The following ZNF516 variants were observed in gnomAD, a reference collection of about 807,000 sequenced individuals.
The protein encoded by ZNF516 is zinc finger protein 516.
ZNF516 carries 19 observed loss-of-function variants against 79.7 expected under a neutral mutation model. The ratio of observed to expected loss-of-function variants is 0.24; its 90% confidence interval spans 0.17 to 0.35. ZNF516 has a LOEUF of 0.35. Among genes scored for constraint, ZNF516 ranks in the 10% least tolerant of loss-of-function variants. The pLI, the probability that ZNF516 is intolerant of heterozygous loss-of-function variation, is 1.00. For missense variants in ZNF516, 1,678 were observed against 1,679.5 expected (o/e 1.00, Z 0.02); for synonymous variants, 877 against 739.5 (o/e 1.19, Z -3.02).
chr18:76,357,843 A>G lies in ZNF516; in HGVS notation c.*4655T>C, dbSNP rs2069457319. ...CTGAGTCAGAATTCCGTCCGCGTCCATCCCTGTGCGTCCTGTATGGGTGAC... is the reference window on the plus strand; with the variant it reads ...CTGAGTCAGAATTCCGTCCGCGTCCGTCCCTGTGCGTCCTGTATGGGTGAC... On this transcript the variant is annotated 3_prime_UTR_variant, in exon 7 of 7. Coordinates refer to ENST00000443185, the MANE Select transcript of ZNF516 (RefSeq NM_014643.4). 6.6e-6 allele frequency among the ~76,000 whole-genome samples: 1 copy of G among 152,156 alleles called. No homozygotes were observed. Among genetic ancestry groups the G allele is most frequent in the Non-Finnish European group, 1.5e-5 (1 of 68,026 alleles).
At chr18:76,470,623 C>A (rs1913771805) in intron 1 of ZNF516, among the ~76,000 whole-genome samples, 2 of 152,182 alleles carry the variant, frequency 1.3e-5, no homozygotes, top group Non-Finnish European at 2.9e-5. Flanking sequence ...CCACCCTTGG[C>A]CAAAAGCACT....
chr18:76,441,615 G>T lies in ZNF516; in HGVS notation c.1440C>A (p.Arg480=), dbSNP rs748827928. Residue 480 remains arginine (R), a synonymous_variant, in exon 3 of 7, where the codon CGC becomes CGA. Transcript: ENST00000443185. The part of the protein sequence containing the change: ...APAAQGPPRK[R]ASGPGDPAPA... Reference sequence around the variant, plus strand: ...GCGCGGGGTCCCCAGGCCCGCTCGCGCGCTTCCGCGGGGGCCCCTGCGCGG... The same window carrying T: ...GCGCGGGGTCCCCAGGCCCGCTCGCTCGCTTCCGCGGGGGCCCCTGCGCGG... 1.6e-5 allele frequency: 24 copies of T among 1,493,336 alleles called. No homozygotes were observed. In the African/African-American group the frequency reaches 3.3e-4, roughly 21 times the overall value. The allele number at this position is 1,493,336 out of a possible 1,614,324, so 92.5% of individuals were successfully genotyped here.
intron 1 of ZNF516, among the ~76,000 whole-genome samples, chr18:76,478,457 T>A (rs1400628288): frequency 6.6e-6 from 1 of 152,204 alleles, no homozygotes; most frequent in Non-Finnish European, 1.5e-5. Context: ...TAAGGTTTAA[T>A]ATACAATACA....
intron 1 of ZNF516, among the ~76,000 whole-genome samples, chr18:76,480,159 T>TA (rs539724418): frequency 0.013 from 1,440 of 109,078 alleles, 13 homozygotes; most frequent in East Asian, 0.036. Flanking sequence ...AGATTTTGTG[T>TA]AAAAAAAAAA....
At chr18:76,363,172 C>G (rs1412664494) in intron 6 of ZNF516, among the ~76,000 whole-genome samples, 2 of 152,176 alleles carry the variant, frequency 1.3e-5, no homozygotes, top group Non-Finnish European at 2.9e-5. Flanking sequence ...AGAGAATGCT[C>G]TCCAATGACA....
At chr18:76,473,904 G>GTGTGTGT (rs1555718878) in intron 1 of ZNF516, among the ~76,000 whole-genome samples, 1,459 of 63,026 alleles carry the variant, frequency 0.023, 117 homozygotes, top group Admixed American at 0.043. Flanking sequence ...GTTTTTGTGT[G>GTGTGTGT]GGGGGGGGGG....
intron 4 of ZNF516, among the ~76,000 whole-genome samples, chr18:76,372,014 C>A (rs576275050): frequency 4.3e-4 from 66 of 152,280 alleles, no homozygotes; most frequent in African/African-American, 1.6e-3. Flanking sequence ...TCCTGGGAGA[C>A]CCACGCAGAG....
At chr18:76,483,306 A>G (rs1196312867) in intron 1 of ZNF516, among the ~76,000 whole-genome samples, 1 of 152,044 alleles carries the variant, frequency 6.6e-6, no homozygotes, top group East Asian at 1.9e-4. Context: ...GAGAATGCAC[A>G]CTTTCCTGGG....
intron 3 of ZNF516, among the ~76,000 whole-genome samples, chr18:76,434,344 AGCACTACCCCTCCT>A (rs1450029253): frequency 6.6e-6 from 1 of 152,230 alleles, no homozygotes; most frequent in African/African-American, 2.4e-5. Flanking sequence ...AGTCGTATCC[AGCACTACCCCTCCT>A]GCAGACTGGA....
chr18:76,471,445 G>A lies in ZNF516; in HGVS notation c.-271-8304C>T, dbSNP rs532587857. ...CTGGTCAGACATGTGGCCTTAGATG[G>A]GTCATTCTCTTCTTTGGCCCTCGTT... On this transcript the variant is annotated intron_variant, in intron 1 of 6. Coordinates refer to ENST00000443185, the MANE Select transcript of ZNF516 (RefSeq NM_014643.4). 3.9e-5 allele frequency among the ~76,000 whole-genome samples: 6 copies of A among 152,190 alleles called. No individual in the cohort carries two copies. In the South Asian group the frequency reaches 1.2e-3, roughly 32 times the overall value.
rs1156710935 is a variant in ZNF516 at position 76,358,635 on chromosome 18, AAGC to A, written c.*3860_*3862del. ...TGAAATTAGAACTCACCAAAGTTAA[AAGC>A]AGTAAAACAACATATGCTACTTAAG... On this transcript the variant is annotated 3_prime_UTR_variant, in exon 7 of 7. Coordinates refer to ENST00000443185, the MANE Select transcript of ZNF516 (RefSeq NM_014643.4). 6.6e-6 allele frequency: 1 copy of A among 152,252 alleles called. No individual in the cohort carries two copies. The highest frequency in any genetic ancestry group is 1.9e-4 in the East Asian group (1 of 5,196). The allele number at this position is 152,252 out of a possible 1,614,324, so 9.4% of individuals were successfully genotyped here.
chr18:76,463,925 T>C (rs1474475999), intron 1 of ZNF516, among the ~76,000 whole-genome samples: 1 of 152,176 alleles, frequency 6.6e-6, no homozygotes, highest in Non-Finnish European at 1.5e-5. Flanking sequence ...TACACACACT[T>C]TTCAAAAGGA....
At chr18:76,481,957 A>G (rs1914547256) in intron 1 of ZNF516, among the ~76,000 whole-genome samples, 1 of 152,242 alleles carries the variant, frequency 6.6e-6, no homozygotes, top group Non-Finnish European at 1.5e-5. Flanking sequence ...GTATCAAAGT[A>G]GCTACAAGGA....
intron 1 of ZNF516, among the ~76,000 whole-genome samples, chr18:76,478,452 T>C (rs979851422): frequency 9.9e-5 from 15 of 152,048 alleles, no homozygotes; most frequent in Non-Finnish European, 7.4e-5. Context: ...AGGTTTAAGG[T>C]TTAATATACA....
Position 76,360,646 on chromosome 18 carries a change from A to AAAAAAAAAATAT in ZNF516, c.*1851_*1852insATATTTTTTTTT, listed in dbSNP as rs373540251. ...AAAAAAATAAGTAAAAAAAAAAAAAAATATATATATATATATATATATATA... is the reference window on the plus strand; with the variant it reads ...AAAAAAATAAGTAAAAAAAAAAAAAAAAAAAAAAATATATATATATATATATATATATATATA... On this transcript the variant is annotated 3_prime_UTR_variant, in exon 7 of 7. Transcript: ENST00000443185. 1.9e-4 allele frequency: 14 copies of AAAAAAAAAATAT among 72,456 alleles called. No homozygotes were observed. Among genetic ancestry groups the AAAAAAAAAATAT allele is most frequent in the Admixed American group, 4.1e-4 (3 of 7,376 alleles). 4.5% of individuals were successfully genotyped at this position (72,456 alleles called of 1,614,324 possible).
rs1169179453 is a variant in ZNF516 at position 76,379,658 on chromosome 18, G to A, written c.2456C>T (p.Pro819Leu). 6.2e-7 allele frequency: 1 copy of A among 1,613,594 alleles called. No homozygotes were observed. The highest frequency in any genetic ancestry group is 8.5e-7 in the Non-Finnish European group (1 of 1,179,880). ...GCATTCTTTGCCACCGAGGGCAGGC[G>A]GGGGGCCCGTGCGTCCGCTCCGGGA... ...FLSRSGRTGP[P>L]PALGGKECQP... The change falls in exon 4 of 7, where the codon CCG (proline) becomes CTG (leucine). Residue 819 changes from proline to leucine, a missense_variant. Physicochemically the swap from Pro to Leu is moderately conservative, Grantham distance 98 (BLOSUM62 -3). Transcript: ENST00000443185.
rs533522002 is a variant in ZNF516 at position 76,380,293 on chromosome 18, C to A, written c.1821G>T (p.Pro607=). 10 of 1,613,100 alleles carry A rather than the reference C, an allele frequency of 6.2e-6. No individual in the cohort carries two copies. In the East Asian group the frequency reaches 2.2e-4, roughly 36 times the overall value. ...CCTCTTCGGAAAAGCAGCAGCGGCGCGGCTGTCCCCCTAGAGGAGGCAAAA... is the reference window on the plus strand; with the variant it reads ...CCTCTTCGGAAAAGCAGCAGCGGCGAGGCTGTCCCCCTAGAGGAGGCAAAA... ...GAPEPAPGGQ[P]RRCCFSEEVT... is the part of the protein sequence containing the mutation. Residue 607 remains proline, a synonymous_variant, in exon 4 of 7, where the codon CCG becomes CCT. Coordinates refer to ENST00000443185, the MANE Select transcript of ZNF516 (RefSeq NM_014643.4).
At chr18:76,368,108 C>T (rs944805868) in intron 6 of ZNF516, among the ~76,000 whole-genome samples, 1 of 152,128 alleles carries the variant, frequency 6.6e-6, no homozygotes, top group Non-Finnish European at 1.5e-5. Context: ...TCTAGACATA[C>T]ATAACTACAG....
chr18:76,442,990 C>T lies in ZNF516; in HGVS notation c.65G>A (p.Arg22Gln), dbSNP rs747645736. 5 of 1,603,728 alleles carry T rather than the reference C, an allele frequency of 3.1e-6. No homozygotes were observed. Among genetic ancestry groups the T allele is most frequent in the Non-Finnish European group, 4.2e-6 (5 of 1,179,502 alleles). The change falls in exon 3 of 7, where the codon CGG becomes CAG. Residue 22 changes from arginine (R) to glutamine (Q), a missense_variant. By Grantham distance (43) the Arg-to-Gln change is conservative. Around this residue, in one of 5 missense-constraint regions of ZNF516, gnomAD observed 62 missense variants for 58.9 expected, o/e 1.05. Transcript: ENST00000443185. ...CTTGTCCCCATCCACCTCGTGGCCC[C>T]GGCCGGCCCTGGTGGGGCTGGGGCC... The part of the protein sequence containing the change: ...RRGPSPTRAG[R>Q]GHEVDGDKAT...
Sources: gnomAD v4.1 joint callset for allele counts (sites outside exome capture counted in the v4.1 genomes callset) on GRCh38, gnomAD v4.1.1 for gene constraint, gnomAD v4.1.1 regional missense constraint, MANE v1.5 for transcripts, NCBI Gene and HGNC (gene_info 2026-07-23, HGNC 2026-07-21) for gene names.